Variants in NHERF2 observed in about 807,000 individuals in gnomAD.
The protein encoded by NHERF2 is NHERF family PDZ scaffold protein 2.
the NHERF2 span, among the ~76,000 whole-genome samples, chr16:2,030,722 T>C: frequency 6.6e-6 from 1 of 150,638 alleles, no homozygotes; most frequent in African/African-American, 2.4e-5. Flanking sequence ...GTGGATCACC[T>C]GAGGTCAGGA....
At chr16:2,032,042 C>T in the NHERF2 span, among the ~76,000 whole-genome samples, 6 of 143,270 alleles carry the variant, frequency 4.2e-5, no homozygotes, top group African/African-American at 1.6e-4. This position sits in a 1 kb window ranked among gnomAD's most constrained non-coding sequence, Gnocchi z 4.0. Context: ...TTTTTTGAGA[C>T]GGAGTTTCAC....
the NHERF2 span, chr16:2,035,274 TGGTCCATTGG>T: frequency 1.4e-3 from 580 of 415,302 alleles, 5 homozygotes; most frequent in African/African-American, 0.012. Flanking sequence ...TGGCCGTTTC[TGGTCCATTGG>T]GGTTTGGAGC....
At chr16:2,033,507 A>C in the NHERF2 span, 1 of 1,420,130 alleles carries the variant, frequency 7.0e-7, no homozygotes, top group African/African-American at 1.4e-5. Context: ...GAAGGAGGGG[A>C]CTCCGGGACC....
chr16:2,027,128 C>G, the NHERF2 span: 2 of 1,471,966 alleles, frequency 1.4e-6, no homozygotes, highest in Non-Finnish European at 1.8e-6. Context: ...GCGTGGAACC[C>G]GGTTCCCCCG....
the NHERF2 span, chr16:2,036,886 G>A: frequency 2.5e-6 from 4 of 1,605,754 alleles, no homozygotes; most frequent in Middle Eastern, 1.7e-4. Flanking sequence ...TGGAAGGTGG[G>A]CCACGGCCCA....
At chr16:2,036,504 G>C in the NHERF2 span, 1 of 1,581,884 alleles carries the variant, frequency 6.3e-7, no homozygotes, top group East Asian at 2.3e-5. Flanking sequence ...GCTCATTGAG[G>C]TACCGGCCCA....
At chr16:2,033,278 G>T in the NHERF2 span, 1 of 1,530,556 alleles carries the variant, frequency 6.5e-7, no homozygotes. Context: ...AAGTGGGGTG[G>T]CAGCCTGGGT....
the NHERF2 span, chr16:2,029,569 C>T: frequency 6.4e-7 from 1 of 1,559,612 alleles, no homozygotes; most frequent in Non-Finnish European, 8.7e-7. Flanking sequence ...CTCCTATCGC[C>T]CATTCGCCCC....
the NHERF2 span, chr16:2,036,621 G>A: frequency 6.5e-7 from 1 of 1,538,802 alleles, no homozygotes; most frequent in Non-Finnish European, 8.8e-7. Context: ...GCCTCCTGCT[G>A]CCTCGGTGGG....
chr16:2,037,499 G>A, the NHERF2 span: 15 of 1,565,044 alleles, frequency 9.6e-6, no homozygotes, highest in East Asian at 1.8e-4. Flanking sequence ...CAGGTGTTGT[G>A]TGTGTCTGTG....
At chr16:2,037,507 G>A in the NHERF2 span, 3 of 1,591,258 alleles carry the variant, frequency 1.9e-6, no homozygotes, top group Non-Finnish European at 2.6e-6. Flanking sequence ...GTGTGTGTCT[G>A]TGAAACCACA....
the NHERF2 span, chr16:2,026,983 G>T: frequency 9.6e-7 from 1 of 1,038,640 alleles, no homozygotes; most frequent in African/African-American, 1.7e-5. Context: ...CTGCCCGCGG[G>T]CGGCCGGTGG....
chr16:2,038,221 CAGAG>C, the NHERF2 span: 2,126 of 554,854 alleles, frequency 3.8e-3, no homozygotes, highest in Non-Finnish European at 4.5e-3. Flanking sequence ...GAGACAGAGA[CAGAG>C]AGAGAGAGAG....
At chr16:2,035,255 C>T in the NHERF2 span, 4 of 294,328 alleles carry the variant, frequency 1.4e-5, no homozygotes, top group African/African-American at 2.3e-5. Flanking sequence ...GCGGTCCCCC[C>T]CGCTGACATG....
chr16:2,032,323 G>GTTTCTTC, the NHERF2 span, among the ~76,000 whole-genome samples: 3 of 152,316 alleles, frequency 2.0e-5, no homozygotes, highest in Admixed American at 2.0e-4. This position sits in a 1 kb window ranked among gnomAD's most constrained non-coding sequence, Gnocchi z 4.0. Flanking sequence ...CCTGGCTCAG[G>GTTTCTTC]ACCTGAGGTT....
At chr16:2,030,470 G>A in the NHERF2 span, among the ~76,000 whole-genome samples, 4 of 152,178 alleles carry the variant, frequency 2.6e-5, no homozygotes, top group South Asian at 6.2e-4. Flanking sequence ...ACCCAGAAAA[G>A]TACAGGGGCG....
At chr16:2,037,008 T>G in the NHERF2 span, 1 of 1,549,490 alleles carries the variant, frequency 6.5e-7, no homozygotes, top group South Asian at 1.2e-5. Flanking sequence ...GGTAAGAGGG[T>G]GGGGTGCCCA....
chr16:2,027,919 T>G, the NHERF2 span, among the ~76,000 whole-genome samples: 1 of 152,208 alleles, frequency 6.6e-6, no homozygotes, highest in Non-Finnish European at 1.5e-5. Flanking sequence ...ACCACATTCC[T>G]TAGCTACAAA....
At chr16:2,029,428 G>A in the NHERF2 span, 1 of 659,074 alleles carries the variant, frequency 1.5e-6, no homozygotes, top group Non-Finnish European at 2.7e-6. Context: ...GTCCGGGGGT[G>A]GGGGGCGGGG....
Sources: allele counts gnomAD v4.1 joint callset (sites outside exome capture counted in the v4.1 genomes callset), GRCh38; gene constraint gnomAD v4.1.1; non-coding constraint Gnocchi (gnomAD v3.1); transcripts MANE v1.5; gene names NCBI Gene and HGNC (gene_info 2026-07-23, HGNC 2026-07-21).